Variants in MRAP2 observed in about 807,000 individuals in gnomAD.
MRAP2 encodes melanocortin-2 receptor accessory protein 2.
In MRAP2, 20 loss-of-function variants were observed where a neutral mutation model predicts 17.4. The observed-to-expected ratio is 1.15, with a 90% CI of 0.81 to 1.67. The LOEUF is 1.67. Ranked by LOEUF, MRAP2 falls within the 40% of genes most tolerant of loss-of-function variation. The pLI, the probability that MRAP2 is intolerant of heterozygous loss-of-function variation, is 0.00. For missense variants in MRAP2, 238 were observed against 240.0 expected, an observed-to-expected ratio of 0.99 and a Z score of 0.05; for synonymous variants, 96 against 88.4, an observed-to-expected ratio of 1.09 and a Z score of -0.48.
chr6:84,084,632 A>T (rs2099499817), intron 3 of MRAP2, among the ~76,000 whole-genome samples: 1 of 152,162 alleles, frequency 6.6e-6, no homozygotes. Context: ...AAGTCTGCAG[A>T]TTCAAAATAG....
intron 1 of MRAP2, 45 bp downstream of exon 1, chr6:84,033,928 G>A: frequency 3.0e-6 from 3 of 985,642 alleles, no homozygotes; most frequent in Non-Finnish European, 3.6e-6. Context: ...GCAAAGCCCG[G>A]GCGCTGGGTG....
chr6:84,082,063 T>C (rs530860846), intron 3 of MRAP2, among the ~76,000 whole-genome samples: 7 of 152,322 alleles, frequency 4.6e-5, no homozygotes, highest in African/African-American at 1.7e-4. Flanking sequence ...TTTGGTGAAC[T>C]CTCTGTGTGA....
chr6:84,094,086 TA>T (rs2099502243), downstream of MRAP2, among the ~76,000 whole-genome samples: 1 of 152,226 alleles, frequency 6.6e-6, no homozygotes, highest in Non-Finnish European at 1.5e-5. Context: ...CTTACTACAT[TA>T]GGCAAGAGGC....
the MRAP2 span, among the ~76,000 whole-genome samples, chr6:84,109,053 CA>C: frequency 6.6e-6 from 1 of 152,126 alleles, no homozygotes. Flanking sequence ...GTACCAATAC[CA>C]TGCTCTTTTG....
chr6:84,115,984 C>T, the MRAP2 span, among the ~76,000 whole-genome samples: 1 of 152,186 alleles, frequency 6.6e-6, no homozygotes, highest in Non-Finnish European at 1.5e-5. Flanking sequence ...CCTTCTGCAT[C>T]GATCTTGCTG....
the MRAP2 span, among the ~76,000 whole-genome samples, chr6:84,110,237 C>T: frequency 5.3e-5 from 8 of 152,318 alleles, no homozygotes; most frequent in South Asian, 1.7e-3. Context: ...TTCTCCACAT[C>T]TTCTCCAGCA....
At chr6:84,058,628 G>A (rs1229249077) in intron 2 of MRAP2, among the ~76,000 whole-genome samples, 3 of 152,218 alleles carry the variant, frequency 2.0e-5, no homozygotes, top group African/African-American at 4.8e-5. Context: ...CAAGAGGCTG[G>A]ATAAGTGAGT....
chr6:84,125,720 T>TA, the MRAP2 span, among the ~76,000 whole-genome samples: 29 of 152,238 alleles, frequency 1.9e-4, no homozygotes, highest in African/African-American at 6.5e-4. Context: ...AAAAGGTGGC[T>TA]ATCTGCAAGC....
chr6:84,036,750 A>G (rs1206907647), intron 1 of MRAP2, among the ~76,000 whole-genome samples: 2 of 152,154 alleles, frequency 1.3e-5, no homozygotes, highest in South Asian at 4.1e-4. Flanking sequence ...TGATTGGTCT[A>G]CTTTACAGAG....
At chr6:84,066,287 T>C (rs1246574125) in intron 3 of MRAP2, among the ~76,000 whole-genome samples, 5 of 152,204 alleles carry the variant, frequency 3.3e-5, no homozygotes, top group African/African-American at 1.2e-4. Flanking sequence ...AAGAAAATAA[T>C]GGATGTTCCC....
intron 1 of MRAP2, among the ~76,000 whole-genome samples, chr6:84,051,502 A>G (rs1419513472): frequency 7.9e-4 from 120 of 152,334 alleles, no homozygotes; most frequent in Non-Finnish European, 8.8e-5. Flanking sequence ...GGTGGCAGTG[A>G]GCAGAGATTG....
the MRAP2 span, among the ~76,000 whole-genome samples, chr6:84,142,760 A>G: frequency 6.6e-6 from 1 of 152,180 alleles, no homozygotes; most frequent in Non-Finnish European, 1.5e-5. Flanking sequence ...CTAGGAGTTC[A>G]TCCCCAAATC....
intron 1 of MRAP2, among the ~76,000 whole-genome samples, chr6:84,041,133 G>C (rs1466561528): frequency 1.3e-5 from 2 of 152,146 alleles, no homozygotes; most frequent in East Asian, 3.9e-4. Flanking sequence ...TGGCTAAAAG[G>C]GGCCAAGGCA....
intron 1 of MRAP2, among the ~76,000 whole-genome samples, chr6:84,038,782 A>G (rs1437811496): frequency 2.0e-5 from 3 of 152,258 alleles, no homozygotes. Flanking sequence ...ATTGTGAGCC[A>G]CTGTGACTGG....
chr6:84,112,020 G>C, the MRAP2 span, among the ~76,000 whole-genome samples: 1 of 152,060 alleles, frequency 6.6e-6, no homozygotes, highest in Non-Finnish European at 1.5e-5. Flanking sequence ...ATTTTTTTGA[G>C]GATTTTCGCA....
chr6:84,069,010 C>G (rs6913756), intron 3 of MRAP2, among the ~76,000 whole-genome samples: 9,174 of 151,742 alleles, frequency 0.06, 890 homozygotes, highest in African/African-American at 0.21. Flanking sequence ...TCTGGAGGAG[C>G]CTTTAGGGTT....
At chr6:84,109,587 T>G in the MRAP2 span, among the ~76,000 whole-genome samples, 1 of 152,144 alleles carries the variant, frequency 6.6e-6, no homozygotes. Flanking sequence ...TTTCTTTTCT[T>G]AAAACACTCA....
At position 84,044,576 on chromosome 6, in the gene MRAP2, T is replaced by G. The variant is rs534461447; in HGVS notation, c.-8+10693T>G. Among the ~76,000 whole-genome samples, 519 of 152,370 alleles carry G rather than the reference T, an allele frequency of 3.4e-3. 1 individual carries two copies. The highest frequency in any genetic ancestry group is 4.1e-3 in the Non-Finnish European group (277 of 68,028). On this transcript the variant is annotated intron_variant, in intron 1 of 3. Coordinates refer to ENST00000257776, the MANE Select transcript of MRAP2 (RefSeq NM_138409.4). ...GCCTCCCTCCTTGGCTTGTAGCCGC[T>G]GCCCTCTTGTTGCCTCTTCACACAG...
chr6:84,045,811 G>C (rs1031782403), intron 1 of MRAP2, among the ~76,000 whole-genome samples: 3 of 151,824 alleles, frequency 2.0e-5, no homozygotes, highest in African/African-American at 7.3e-5. Flanking sequence ...ATGTTCACAT[G>C]TGTGCTTTCA....
Sources: gnomAD v4.1 joint callset for allele counts (sites outside exome capture counted in the v4.1 genomes callset) on GRCh38, gnomAD v4.1.1 for gene constraint, MANE v1.5 for transcripts, NCBI Gene and HGNC (gene_info 2026-07-23, HGNC 2026-07-21) for gene names.